The following NFXL1 variants were observed in gnomAD, a reference collection of about 807,000 sequenced individuals.
NFXL1 encodes nuclear transcription factor, X-box binding like 1, also known as NF-X1-type zinc finger protein NFXL1.
In NFXL1, 66 loss-of-function variants were observed where a neutral mutation model predicts 123.3. The observed-to-expected ratio is 0.54, with a 90% CI of 0.44 to 0.66. The LOEUF (loss-of-function observed/expected upper bound fraction) is 0.66. Ranked by LOEUF, NFXL1 falls within the 30% of genes least tolerant of loss-of-function variation. The pLI is 0.00. For missense variants in NFXL1, 944 were observed against 1,125.6 expected (o/e 0.84, Z 2.31); for synonymous variants, 346 against 360.8 (o/e 0.96, Z 0.46).
chr4:47,898,543 C>A (rs1448109208), intron 8 of NFXL1, among the ~76,000 whole-genome samples: 1 of 152,058 alleles, frequency 6.6e-6, no homozygotes, highest in Non-Finnish European at 1.5e-5. Context: ...CAAAACTCAA[C>A]AAATAGCTGT....
In NFXL1 at chr4:47,914,043, A is replaced by G; in HGVS notation, c.161T>C (p.Val54Ala). 6.5e-7 allele frequency: 1 copy of G among 1,548,556 alleles called. No homozygotes were observed. Among genetic ancestry groups the G allele is most frequent in the Non-Finnish European group, 8.7e-7 (1 of 1,146,680 alleles). ...AVPSGTSPGG[V>A]ATTAAAGSRH... ...GCTCCCTGCAGCCGCCGTGGTCGCG[A>G]CTCCTCCGGGACTGGTGCCAGAAGG... is the stretch of plus-strand genomic sequence containing the variant. Residue 54 changes from valine (V) to alanine (A), a missense_variant, in exon 2 of 23, where the codon GTC becomes GCC. Coordinates refer to ENST00000507489, the MANE Select transcript of NFXL1 (RefSeq NM_001278624.2).
intron 18 of NFXL1, among the ~76,000 whole-genome samples, chr4:47,874,856 TA>T (rs1166314859): frequency 1.3e-5 from 2 of 152,168 alleles, no homozygotes; most frequent in Non-Finnish European, 2.9e-5. Context: ...TAGGAGTATT[TA>T]AATTTTTTTT....
chr4:47,914,082 G>C lies in NFXL1; in HGVS notation c.122C>G (p.Ser41Trp). 1 of 1,550,614 alleles carries C rather than the reference G, an allele frequency of 6.4e-7. No homozygotes were observed. The highest frequency in any genetic ancestry group is 8.7e-7 in the Non-Finnish European group (1 of 1,147,348). Residue 41 changes from serine to tryptophan, a missense_variant, in exon 2 of 23, where the codon TCG (serine) becomes TGG (tryptophan). Physicochemically the swap from Ser to Trp is radical, Grantham distance 177 (BLOSUM62 -3). This residue lies in a region of NFXL1 where 303 missense variants were observed against 292.1 expected (regional missense o/e 1.04). Coordinates refer to ENST00000507489, the MANE Select transcript of NFXL1 (RefSeq NM_001278624.2). ...GGTGCCAGAAGGAACTGCGCCCACC[G>C]ACCCCTTCTCTCGCCCTCCTCCGGC... ...RGAGGGREKG[S>W]VGAVPSGTSP...
At chr4:47,891,886 G>A (rs1167080755) in intron 11 of NFXL1, among the ~76,000 whole-genome samples, 1 of 149,962 alleles carries the variant, frequency 6.7e-6, no homozygotes, top group Non-Finnish European at 1.5e-5. Context: ...GCAGTGAGCC[G>A]AGATCACACC....
intron 19 of NFXL1, among the ~76,000 whole-genome samples, chr4:47,860,837 G>C (rs1734722221): frequency 1.3e-5 from 2 of 151,604 alleles, no homozygotes; most frequent in African/African-American, 4.9e-5. Flanking sequence ...AGAAACTCTA[G>C]AGGGGGGCCC....
At chr4:47,914,344 A>G (rs1738005676) in intron 1 of NFXL1, 21 bp downstream of exon 1, 5 of 669,830 alleles carry the variant, frequency 7.5e-6, no homozygotes, top group African/African-American at 5.5e-5. Flanking sequence ...GGGTTTTAGG[A>G]GGTCGCGGCC....
Position 47,899,522 on chromosome 4 carries a change from C to T in NFXL1, c.674G>A (p.Arg225Gln), listed in dbSNP as rs748435451. The T allele has an allele frequency of 1.6e-5, 25 of 1,611,650 alleles. No individual in the cohort carries two copies. The highest frequency in any genetic ancestry group is 3.3e-5 in the South Asian group (3 of 90,902). ...PCPKCRFEYKRSETPSRYYCY... is the reference protein window; with the variant it reads ...PCPKCRFEYKQSETPSRYYCY... ...ATAGTACCTACTAGGTGTTTCAGAT[C>T]GTTTGTATTCAAACCTACATTTTGG... Residue 225 changes from arginine to glutamine, a missense_variant, in exon 6 of 23, where the codon CGA becomes CAA. Coordinates refer to ENST00000507489, the MANE Select transcript of NFXL1 (RefSeq NM_001278624.2).
chr4:47,852,373 T>C lies in NFXL1; in HGVS notation c.2422-431A>G, dbSNP rs537303771. 9.9e-5 allele frequency among the ~76,000 whole-genome samples: 15 copies of C among 152,234 alleles called. 1 individual carries two copies. The South Asian group carries it at 1.7e-3, about 17-fold the overall frequency. ...TCCACAGAGTAGCACTAGCCACATA[T>C]GGCTACTGAGCACTTGAAATGTGGG... On this transcript the variant is annotated intron_variant, in intron 20 of 22. Transcript: ENST00000507489.
At chr4:47,873,340 T>C (rs1735559993) in intron 18 of NFXL1, among the ~76,000 whole-genome samples, 2 of 152,290 alleles carry the variant, frequency 1.3e-5, no homozygotes, top group Admixed American at 6.5e-5. Flanking sequence ...CCAGAACGTT[T>C]TCAATTTACC....
chr4:47,859,393 C>T (rs980337290), intron 19 of NFXL1, among the ~76,000 whole-genome samples: 1 of 152,170 alleles, frequency 6.6e-6, no homozygotes, highest in Non-Finnish European at 1.5e-5. Flanking sequence ...ATGTTATTAC[C>T]TCATATAATA....
At position 47,914,575 on chromosome 4, in the gene NFXL1, T is replaced by G. The variant is rs1210967820; in HGVS notation, c.-213A>C. ...CCTGCGTCTCCCGCCGGGAACCAAC[T>G]GCAGTGGTACACCCCACGGAAAGCT... On this transcript the variant is annotated 5_prime_UTR_variant, in exon 1 of 23. Coordinates refer to ENST00000507489, the MANE Select transcript of NFXL1 (RefSeq NM_001278624.2). 8 of 206,638 alleles carry G rather than the reference T, an allele frequency of 3.9e-5. No individual in the cohort carries two copies. The highest frequency in any genetic ancestry group is 7.7e-5 in the Non-Finnish European group (8 of 103,350). The allele number at this position is 206,638 out of a possible 1,614,324, so 12.8% of individuals were successfully genotyped here.
intron 2 of NFXL1, among the ~76,000 whole-genome samples, chr4:47,911,931 T>G (rs900006550): frequency 2.0e-5 from 3 of 152,214 alleles, no homozygotes; most frequent in Non-Finnish European, 2.9e-5. Context: ...ATTCCCATCT[T>G]GAGAGGATTT....
chr4:47,884,128 G>T (rs1031417308), intron 15 of NFXL1, among the ~76,000 whole-genome samples: 2 of 152,056 alleles, frequency 1.3e-5, no homozygotes, highest in Non-Finnish European at 2.9e-5. Flanking sequence ...CCAACTGGGG[G>T]TAAAGACTCA....
chr4:47,869,919 A>G (rs916103887), intron 18 of NFXL1, among the ~76,000 whole-genome samples: 2 of 152,138 alleles, frequency 1.3e-5, no homozygotes, highest in African/African-American at 4.8e-5. Context: ...GTAAGCAACT[A>G]CTTTACAAAC....
intron 3 of NFXL1, among the ~76,000 whole-genome samples, chr4:47,908,565 C>T (rs1737668079): frequency 6.6e-6 from 1 of 152,152 alleles, no homozygotes; most frequent in Non-Finnish European, 1.5e-5. Context: ...CTCATGAAAG[C>T]ACAAGATAAT....
chr4:47,884,713 T>G (rs992155208), intron 14 of NFXL1, among the ~76,000 whole-genome samples: 1 of 152,150 alleles, frequency 6.6e-6, no homozygotes. Context: ...AATAAGGAAA[T>G]GAGAAAAACA....
intron 11 of NFXL1, among the ~76,000 whole-genome samples, chr4:47,891,962 T>C (rs1227273033): frequency 6.6e-6 from 1 of 151,796 alleles, no homozygotes; most frequent in East Asian, 1.9e-4. Context: ...GGCAATATAG[T>C]TTATTCAATT....
chr4:47,883,227 G>A (rs967716609), intron 15 of NFXL1, among the ~76,000 whole-genome samples: 4 of 151,654 alleles, frequency 2.6e-5, no homozygotes, highest in Admixed American at 1.3e-4. Flanking sequence ...CCTGGGTGAC[G>A]GAGACTCCGT....
chr4:47,883,369 TTCTC>T (rs922721267), intron 15 of NFXL1, among the ~76,000 whole-genome samples: 4 of 152,210 alleles, frequency 2.6e-5, no homozygotes, highest in Non-Finnish European at 5.9e-5. Context: ...TCTCTTCTGT[TTCTC>T]TCAAGGAAAA....
Sources: allele counts gnomAD v4.1 joint callset (sites outside exome capture counted in the v4.1 genomes callset), GRCh38; gene constraint gnomAD v4.1.1; regional missense constraint gnomAD v4.1.1; transcripts MANE v1.5; gene names NCBI Gene and HGNC (gene_info 2026-07-23, HGNC 2026-07-21).